The following B4GALT6 variants were observed in gnomAD, a reference collection of about 807,000 sequenced individuals.
B4GALT6 encodes beta-1,4-galactosyltransferase 6.
Under a neutral mutation model 46.3 loss-of-function variants are expected in B4GALT6, and 14 were observed. The ratio of observed to expected loss-of-function variants is 0.30; its 90% CI spans 0.20 to 0.47. The LOEUF (loss-of-function observed/expected upper bound fraction) is 0.47. B4GALT6 is among the 20% of genes least tolerant of loss of function. The probability of loss-of-function intolerance (pLI) is 0.99; values close to 1 mark genes in which losing one functional copy is unlikely to be tolerated. For synonymous variants in B4GALT6, 168 were observed against 162.0 expected, an observed-to-expected ratio of 1.04 and a Z score of -0.28; for missense variants, 386 against 480.1, an observed-to-expected ratio of 0.80 and a Z score of 1.83.
At chr18:31,668,193 C>T (rs1237737333) in intron 1 of B4GALT6, among the ~76,000 whole-genome samples, 3 of 151,996 alleles carry the variant, frequency 2.0e-5, no homozygotes, top group East Asian at 1.9e-4. Flanking sequence ...ATTATCCTAG[C>T]GAATTAACAC....
chr18:31,714,786 G>T, the B4GALT6 span, among the ~76,000 whole-genome samples: 1 of 152,160 alleles, frequency 6.6e-6, no homozygotes, highest in Non-Finnish European at 1.5e-5. Flanking sequence ...CATAGCAGAA[G>T]ACCACGATCA....
the B4GALT6 span, among the ~76,000 whole-genome samples, chr18:31,718,591 C>T: frequency 4.6e-5 from 7 of 152,226 alleles, no homozygotes; most frequent in Admixed American, 1.3e-4. Flanking sequence ...GAGCCAGCCC[C>T]GACTTCCATA....
At chr18:31,719,749 GA>G in the B4GALT6 span, among the ~76,000 whole-genome samples, 1 of 152,126 alleles carries the variant, frequency 6.6e-6, no homozygotes, top group African/African-American at 2.4e-5. Flanking sequence ...GTAGGAGATG[GA>G]ATCATAGCGG....
chr18:31,651,833 A>G (rs551234603), intron 3 of B4GALT6, among the ~76,000 whole-genome samples: 17 of 151,978 alleles, frequency 1.1e-4, no homozygotes, highest in Non-Finnish European at 2.1e-4. Flanking sequence ...TGCAGTGGCG[A>G]GATCTCAGCT....
intron 1 of B4GALT6, among the ~76,000 whole-genome samples, chr18:31,673,474 G>A (rs1032758765): frequency 1.7e-4 from 26 of 152,114 alleles, no homozygotes; most frequent in Non-Finnish European, 3.8e-4. Context: ...AGACATCCTG[G>A]TGGTCAGCAA....
At chr18:31,703,337 A>G in the B4GALT6 span, among the ~76,000 whole-genome samples, 2 of 152,178 alleles carry the variant, frequency 1.3e-5, no homozygotes, top group African/African-American at 4.8e-5. Flanking sequence ...AAAAAAATAC[A>G]AGAATGACAC....
chr18:31,640,472 T>C (rs1174871819), intron 4 of B4GALT6, among the ~76,000 whole-genome samples: 2 of 152,210 alleles, frequency 1.3e-5, no homozygotes, highest in Non-Finnish European at 2.9e-5. Context: ...ATGTCTAAAC[T>C]ATGAACTCCC....
the B4GALT6 span, among the ~76,000 whole-genome samples, chr18:31,700,435 TTGTGTGTGTG>T: frequency 1.4e-5 from 2 of 139,468 alleles, no homozygotes; most frequent in African/African-American, 2.6e-5. Context: ...AATTGACTAT[TTGTGTGTGTG>T]TGTGTGTGTG....
At chr18:31,633,867 C>G (rs1346379908) in intron 5 of B4GALT6, among the ~76,000 whole-genome samples, 3 of 152,212 alleles carry the variant, frequency 2.0e-5, no homozygotes. Context: ...CATGGAGACA[C>G]TGCAGAATGA....
At chr18:31,700,218 G>A in the B4GALT6 span, among the ~76,000 whole-genome samples, 1 of 151,712 alleles carries the variant, frequency 6.6e-6, no homozygotes. Flanking sequence ...AAACTGTTCA[G>A]CAAAACTAAA....
At chr18:31,668,710 T>C (rs1055692252) in intron 1 of B4GALT6, among the ~76,000 whole-genome samples, 2 of 152,026 alleles carry the variant, frequency 1.3e-5, no homozygotes, top group African/African-American at 4.8e-5. Context: ...CATCTAAAAG[T>C]TGTAATCTGG....
the B4GALT6 span, among the ~76,000 whole-genome samples, chr18:31,704,808 C>A: frequency 6.6e-6 from 1 of 152,172 alleles, no homozygotes; most frequent in South Asian, 2.1e-4. Context: ...CAATAACCAA[C>A]TAGAGTAAGT....
chr18:31,700,746 G>C, the B4GALT6 span, among the ~76,000 whole-genome samples: 21 of 152,130 alleles, frequency 1.4e-4, no homozygotes, highest in Admixed American at 3.9e-4. Context: ...GTGAGCCACC[G>C]CGCCCGGCCA....
At chr18:31,708,875 C>G in the B4GALT6 span, among the ~76,000 whole-genome samples, 7 of 152,216 alleles carry the variant, frequency 4.6e-5, no homozygotes, top group South Asian at 1.0e-3. Flanking sequence ...AAGGATGAAG[C>G]CAGGTTTCTC....
the B4GALT6 span, among the ~76,000 whole-genome samples, chr18:31,704,559 C>A: frequency 6.6e-6 from 1 of 152,068 alleles, no homozygotes; most frequent in African/African-American, 2.4e-5. Context: ...TTTTGTCATA[C>A]CATATTCCAA....
At chr18:31,677,198 A>G (rs1437694912) in intron 1 of B4GALT6, among the ~76,000 whole-genome samples, 5 of 152,360 alleles carry the variant, frequency 3.3e-5, no homozygotes, top group African/African-American at 9.6e-5. Flanking sequence ...AAACATTAAG[A>G]TTTGAAATTA....
At position 31,647,172 on chromosome 18, in the gene B4GALT6, G is replaced by A. The variant is rs140158646; in HGVS notation, c.347-1693C>T. 4.1e-3 allele frequency among the ~76,000 whole-genome samples: 618 copies of A among 152,330 alleles called. 7 individuals carry two copies. The highest frequency in any genetic ancestry group is 0.014 in the African/African-American group (569 of 41,580). ...TAATAGTATGCATGATTGCTAAAATGATAGTAATTAGGCTAAATAATAAGC... is the reference window on the plus strand; with the variant it reads ...TAATAGTATGCATGATTGCTAAAATAATAGTAATTAGGCTAAATAATAAGC... On this transcript the variant is annotated intron_variant, in intron 3 of 8. Coordinates refer to ENST00000306851, the MANE Select transcript of B4GALT6 (RefSeq NM_004775.5).
chr18:31,646,280 G>C (rs2073990079), intron 3 of B4GALT6, among the ~76,000 whole-genome samples: 1 of 152,154 alleles, frequency 6.6e-6, no homozygotes, highest in Non-Finnish European at 1.5e-5. Flanking sequence ...CATTACTGGA[G>C]GTGTTCTTAC....
At chr18:31,717,099 T>C in the B4GALT6 span, among the ~76,000 whole-genome samples, 1 of 151,568 alleles carries the variant, frequency 6.6e-6, no homozygotes, top group Non-Finnish European at 1.5e-5. Flanking sequence ...TGAGACTCTA[T>C]CTCAAAAAAA....
Sources: allele counts gnomAD v4.1 joint callset (sites outside exome capture counted in the v4.1 genomes callset), GRCh38; gene constraint gnomAD v4.1.1; transcripts MANE v1.5; gene names NCBI Gene and HGNC (gene_info 2026-07-23, HGNC 2026-07-21).